The following SPOCD1 variants were observed in gnomAD, a reference collection of about 807,000 sequenced individuals.
The protein encoded by SPOCD1 is SPOC domain-containing protein 1.
SPOCD1 carries 64 observed loss-of-function variants against 92.2 expected under a neutral mutation model. That is an observed-to-expected ratio of 0.69 (90% confidence interval 0.57 to 0.86). The LOEUF (loss-of-function observed/expected upper bound fraction) is 0.86. SPOCD1 is among the 40% of genes least tolerant of loss of function. SPOCD1 has a pLI of 0.00. For missense variants in SPOCD1, 1,360 were observed against 1,543.1 expected (o/e 0.88, Z 1.99); for synonymous variants, 578 against 619.3 (o/e 0.93, Z 0.99).
chr1:31,813,887 C>T, intron 2 of SPOCD1, 64 bp downstream of exon 2: 3 of 1,381,238 alleles, frequency 2.2e-6, no homozygotes, highest in Non-Finnish European at 2.9e-6. Flanking sequence ...AATTCCACTG[C>T]CAAGTATGGT....
chr1:31,790,771 G>A lies in SPOCD1; in HGVS notation c.3483C>T (p.His1161=), dbSNP rs1409187808. Residue 1161 remains histidine (H), a synonymous_variant, in exon 16 of 16, where the codon CAC becomes CAT. Coordinates refer to ENST00000360482, the MANE Select transcript of SPOCD1 (RefSeq NM_144569.7). Reference sequence around the variant, plus strand: ...GGGGGCACAGTAAGGCTTGGAGCTGGTGACTCATGGTCGCCAGGGATTCGA... The same window carrying A: ...GGGGGCACAGTAAGGCTTGGAGCTGATGACTCATGGTCGCCAGGGATTCGA... The part of the protein sequence containing the change: ...RHLESLATMS[H]QLQALLCPQT... 6.4e-7 allele frequency: 1 copy of A among 1,550,424 alleles called. No individual in the cohort carries two copies. Among genetic ancestry groups the A allele is most frequent in the Non-Finnish European group, 8.7e-7 (1 of 1,146,314 alleles).
intron 9 of SPOCD1, among the ~76,000 whole-genome samples, chr1:31,797,188 A>G (rs1403985596): frequency 1.3e-5 from 2 of 152,254 alleles, no homozygotes; most frequent in African/African-American, 4.8e-5. Context: ...AGCCTGGAAC[A>G]TGGCTCATAG....
At position 31,790,617 on chromosome 1, in the gene SPOCD1, G is replaced by C; in HGVS notation, c.3637C>G (p.Pro1213Ala). The C allele has an allele frequency of 6.4e-7, 1 of 1,551,732 alleles. No homozygotes were observed. The highest frequency in any genetic ancestry group is 8.7e-7 in the Non-Finnish European group (1 of 1,147,000). Residue 1213 changes from proline (P) to alanine (A), a missense_variant, in exon 16 of 16, where the codon CCT (proline) becomes GCT (alanine). Transcript: ENST00000360482. ...TDEAGSECPF[P>A]RKA ...GGTAAGGAGGGTCAGGCCTTTCTAG[G>C]GAAGGGACACTCAGAGCCAGCTTCA...
At chr1:31,806,971 G>C (rs1648862258) in intron 2 of SPOCD1, among the ~76,000 whole-genome samples, 1 of 152,132 alleles carries the variant, frequency 6.6e-6, no homozygotes, top group African/African-American at 2.4e-5. Flanking sequence ...GTGTTCAATA[G>C]ACACAAGCGG....
chr1:31,792,672 A>T lies in SPOCD1; in HGVS notation c.2775+6T>A. ...AAAGAGGGGGTGCCCAAGAGTGGGC[A>T]GGTACCTTGGCCTTGGCTGGGCAGA... is the stretch of plus-strand genomic sequence containing the variant. On this transcript the variant is annotated splice_donor_region_variant and intron_variant, in intron 14 of 15. Coordinates refer to ENST00000360482, the MANE Select transcript of SPOCD1 (RefSeq NM_144569.7). The T allele has an allele frequency of 3.8e-6, 6 of 1,591,056 alleles. No homozygotes were observed. The highest frequency in any genetic ancestry group is 5.1e-6 in the Non-Finnish European group (6 of 1,168,198).
intron 2 of SPOCD1, among the ~76,000 whole-genome samples, chr1:31,812,371 A>G (rs1453526621): frequency 6.6e-6 from 1 of 152,182 alleles, no homozygotes; most frequent in Non-Finnish European, 1.5e-5. Flanking sequence ...GCCTGCGACA[A>G]ATACATCCAT....
At chr1:31,794,467 A>T in intron 10 of SPOCD1, 1 of 364,642 alleles carries the variant, frequency 2.7e-6, no homozygotes. Context: ...TATCCTGGGT[A>T]TTCCTTTACA....
At chr1:31,810,070 T>G (rs1207359798) in intron 2 of SPOCD1, among the ~76,000 whole-genome samples, 2 of 152,014 alleles carry the variant, frequency 1.3e-5, no homozygotes, top group African/African-American at 4.8e-5. Context: ...GACAGCCCCC[T>G]CCTCTGCCCT....
intron 2 of SPOCD1, among the ~76,000 whole-genome samples, chr1:31,803,777 AAGG>A (rs1250781148): frequency 2.0e-5 from 3 of 150,842 alleles, no homozygotes; most frequent in Admixed American, 1.3e-4. Context: ...GAAGAAAAGA[AAGG>A]AGAAGAAAGG....
rs547448369 is a variant in SPOCD1, at chr1:31,811,937, T to G, written c.1383+2014A>C. Reference sequence around the variant, plus strand: ...CACTCAAACCAGCCCCCTTAAAGGCTGCAGACCCAGGAATCCCAATTCTGG... The same window carrying G: ...CACTCAAACCAGCCCCCTTAAAGGCGGCAGACCCAGGAATCCCAATTCTGG... On this transcript the variant is annotated intron_variant, in intron 2 of 15. Transcript: ENST00000360482. Among the ~76,000 whole-genome samples, 60 of 152,328 alleles carry G rather than the reference T, an allele frequency of 3.9e-4. No individual in the cohort carries two copies. The South Asian group carries it at 0.012, about 30-fold the overall frequency.
chr1:31,814,059 C>T lies in SPOCD1; in HGVS notation c.1275G>A (p.Leu425=). The T allele has an allele frequency of 6.2e-7, 1 of 1,613,704 alleles. No homozygotes were observed. The highest frequency in any genetic ancestry group is 8.5e-7 in the Non-Finnish European group (1 of 1,179,732). Residue 425 remains leucine, a synonymous_variant, in exon 2 of 16, where the codon CTG becomes CTA. Transcript: ENST00000360482. The surrounding 1 kb of genome is among the most constrained non-coding windows in gnomAD (Gnocchi z 4.2). Reference sequence around the variant, plus strand: ...GGGCACAGGGCACTGGACCTTTCTTCAGGTTCTTAGTGCCCTTGGATCTTC... The same window carrying T: ...GGGCACAGGGCACTGGACCTTTCTTTAGGTTCTTAGTGCCCTTGGATCTTC... ...EQRRSKGTKN[L]KKGPVPCAQD...
At chr1:31,792,152 C>A (rs1163060962) in intron 15 of SPOCD1, 63 bp downstream of exon 15, 1 of 1,525,606 alleles carries the variant, frequency 6.6e-7, no homozygotes, top group Non-Finnish European at 8.9e-7. Context: ...ACTGTGTCAA[C>A]CGTGCCTGGT....
rs1340312969 is a variant in SPOCD1 at position 31,814,450 on chromosome 1, G to A, written c.884C>T (p.Pro295Leu). Residue 295 changes from proline (P) to leucine (L), a missense_variant, in exon 2 of 16, where the codon CCC becomes CTC. Transcript: ENST00000360482. This position sits in a 1 kb window ranked among gnomAD's most constrained non-coding sequence, Gnocchi z 4.2. ...AGGGCCACAGGGGCTGCCTGGCTGG[G>A]GCCCATCCCCTGTAGCGGGCAAATA... Reference protein sequence around the residue: ...FGYLPATGDGPQPGSPCGPVG... With the variant: ...FGYLPATGDGLQPGSPCGPVG... 2 of 1,599,794 alleles carry A rather than the reference G, an allele frequency of 1.3e-6. No individual in the cohort carries two copies. The highest frequency in any genetic ancestry group is 3.4e-5 in the Admixed American group (2 of 58,066).
chr1:31,809,118 G>A (rs868478976), intron 2 of SPOCD1, among the ~76,000 whole-genome samples: 2 of 152,176 alleles, frequency 1.3e-5, no homozygotes, highest in Non-Finnish European at 2.9e-5. Flanking sequence ...GAACCTGGGA[G>A]GGGGAGGTTG....
In SPOCD1 at chr1:31,799,799, G is replaced by A. The variant is rs753354522; in HGVS notation, c.1783+10C>T. The A allele has an allele frequency of 1.3e-5, 21 of 1,613,586 alleles. No homozygotes were observed. In the Admixed American group the frequency reaches 1.5e-4, roughly 12 times the overall value. On this transcript the variant is annotated intron_variant, in intron 6 of 15. Transcript: ENST00000360482. ...TGGAAGCAGAAGAGGCTCCCTCCAG[G>A]GCCCTTCACCTGAGTCCTCTGGCTG...
intron 3 of SPOCD1, among the ~76,000 whole-genome samples, chr1:31,800,939 C>T (rs971895501): frequency 2.6e-5 from 4 of 152,218 alleles, no homozygotes; most frequent in Non-Finnish European, 5.9e-5. Flanking sequence ...AGGACCCTCT[C>T]ACTCTTCTTC....
Position 31,814,451 on chromosome 1 carries a change from G to T in SPOCD1, c.883C>A (p.Pro295Thr). The T allele has an allele frequency of 6.3e-7, 1 of 1,599,214 alleles. No individual in the cohort carries two copies. Among genetic ancestry groups the T allele is most frequent in the Non-Finnish European group, 8.5e-7 (1 of 1,172,070 alleles). Reference protein sequence around the residue: ...FGYLPATGDGPQPGSPCGPVG... With the variant: ...FGYLPATGDGTQPGSPCGPVG... ...GGGCCACAGGGGCTGCCTGGCTGGG[G>T]CCCATCCCCTGTAGCGGGCAAATAT... The change falls in exon 2 of 16, where the codon CCC becomes ACC. Residue 295 changes from proline to threonine, a missense_variant. Pro to Thr is a conservative substitution (Grantham distance 38). Transcript: ENST00000360482. The surrounding 1 kb of genome is among the most constrained non-coding windows in gnomAD (Gnocchi z 4.2).
chr1:31,802,273 CTTG>C (rs768942530), intron 2 of SPOCD1, among the ~76,000 whole-genome samples: 1 of 152,162 alleles, frequency 6.6e-6, no homozygotes, highest in Non-Finnish European at 1.5e-5. Context: ...AAAATTACCA[CTTG>C]TTGAGGGTTT....
chr1:31,815,110 G>C lies in SPOCD1; in HGVS notation c.224C>G (p.Ala75Gly). Reference sequence around the variant, plus strand: ...CAAGACCCCTGGCCGGACCTCAGCAGCACCTGCAGCCCGGGAGCTGCCACC... The same window carrying C: ...CAAGACCCCTGGCCGGACCTCAGCACCACCTGCAGCCCGGGAGCTGCCACC... ...LRGGSSRAAG[A>G]AEVRPGVLEL... is the part of the protein sequence containing the mutation. The change falls in exon 2 of 16, where the codon GCT becomes GGT. Residue 75 changes from alanine to glycine, a missense_variant. Coordinates refer to ENST00000360482, the MANE Select transcript of SPOCD1 (RefSeq NM_144569.7). 6.2e-7 allele frequency: 1 copy of C among 1,611,482 alleles called. No individual in the cohort carries two copies. The highest frequency in any genetic ancestry group is 8.5e-7 in the Non-Finnish European group (1 of 1,178,268).
Sources: gnomAD v4.1 joint callset for allele counts (sites outside exome capture counted in the v4.1 genomes callset) on GRCh38, gnomAD v4.1.1 for gene constraint, Gnocchi (gnomAD v3.1) non-coding constraint, MANE v1.5 for transcripts, NCBI Gene and HGNC (gene_info 2026-07-23, HGNC 2026-07-21) for gene names.